Variants in EML5 observed in about 807,000 individuals in gnomAD.
EML5 encodes echinoderm microtubule-associated protein-like 5.
A neutral mutation model predicts 250.0 loss-of-function variants in EML5; 120 were observed. The ratio of observed to expected loss-of-function variants is 0.48; its 90% confidence interval spans 0.41 to 0.56. EML5 has a LOEUF of 0.56. Ranked by LOEUF, EML5 falls within the 20% of genes least tolerant of loss-of-function variation. The probability of loss-of-function intolerance (pLI) is 0.00; values close to 1 mark genes in which losing one functional copy is unlikely to be tolerated. For synonymous variants in EML5, 771 were observed against 806.5 expected, an observed-to-expected ratio of 0.96 and a Z score of 0.75; for missense variants, 2,006 against 2,437.6, an observed-to-expected ratio of 0.82 and a Z score of 3.73.
In EML5 at chr14:88,620,928, T is replaced by C. The variant is rs1174063503; in HGVS notation, c.5203-2A>G. The C allele has an allele frequency of 6.9e-7, 1 of 1,449,514 alleles. No individual in the cohort carries two copies. Among genetic ancestry groups the C allele is most frequent in the East Asian group, 2.5e-5 (1 of 39,572 alleles). The allele number at this position is 1,449,514 out of a possible 1,614,324, so 89.8% of individuals were successfully genotyped here. A position where few individuals can be genotyped will look rare whatever the true frequency, so the allele number is the denominator to read the frequency against. On this transcript the variant is annotated splice_acceptor_variant, in intron 38 of 43. Coordinates refer to ENST00000554922, the MANE Select transcript of EML5 (RefSeq NM_183387.3). LOFTEE classifies it high-confidence loss of function. This position sits in a 1 kb window ranked among gnomAD's most constrained non-coding sequence, Gnocchi z 4.3. ...CAAATTCACTTTGTTTAACATCTTC[T>C]GCATTTAAAAAAAAAAAAAAAAAGA...
At chr14:88,697,789 G>A (rs1297638172) in intron 14 of EML5, among the ~76,000 whole-genome samples, 1 of 152,122 alleles carries the variant, frequency 6.6e-6, no homozygotes, top group Admixed American at 6.5e-5. Flanking sequence ...AGGCTGGAGT[G>A]CAATGGCGCT....
rs542543791 is a variant in EML5, at chr14:88,677,261, T to C, written c.3124+4629A>G. On this transcript the variant is annotated intron_variant, in intron 21 of 43. Coordinates refer to ENST00000554922, the MANE Select transcript of EML5 (RefSeq NM_183387.3). ...AACTGGCTGGCCACATGCAGAAAAT[T>C]GAAGCTGGACCCCTTCCTTACACCT... Among the ~76,000 whole-genome samples the C allele has an allele frequency of 2.0e-5, 3 of 152,246 alleles. 1 individual carries two copies. Among genetic ancestry groups the C allele is most frequent in the African/African-American group, 7.2e-5 (3 of 41,554 alleles).
chr14:88,668,180 TC>T (rs1167531405), intron 21 of EML5, among the ~76,000 whole-genome samples: 2 of 152,248 alleles, frequency 1.3e-5, no homozygotes, highest in Non-Finnish European at 2.9e-5. Flanking sequence ...AGTTAGCAAT[TC>T]TTTTTATTAA....
chr14:88,688,550 C>G, intron 17 of EML5, 77 bp from the exon 18 acceptor site: 1 of 1,454,822 alleles, frequency 6.9e-7, no homozygotes, highest in Non-Finnish European at 9.5e-7. Flanking sequence ...TTCTTTTCTA[C>G]TGTTGTTGTT....
In EML5 at chr14:88,638,880, T is replaced by A; in HGVS notation, c.4265A>T (p.Asn1422Ile). ...TACTGTGAGGCACAGAATATCATCA[T>A]TATGTTCCTGATAAAAACTCTGAGA... ...TGSQSFYQEH[N>I]DDILCLTVNQ... Residue 1422 changes from asparagine to isoleucine, a missense_variant, in exon 32 of 44, where the codon AAT (asparagine) becomes ATT (isoleucine). Coordinates refer to ENST00000554922, the MANE Select transcript of EML5 (RefSeq NM_183387.3). 5 of 1,590,864 alleles carry A rather than the reference T, an allele frequency of 3.1e-6. No homozygotes were observed. Among genetic ancestry groups the A allele is most frequent in the Non-Finnish European group, 4.3e-6 (5 of 1,168,640 alleles).
At chr14:88,645,486 G>C (rs180687548) in intron 29 of EML5, among the ~76,000 whole-genome samples, 29 of 152,330 alleles carry the variant, frequency 1.9e-4, no homozygotes, top group African/African-American at 6.7e-4. Context: ...GTATCTAACA[G>C]AGTATCTTCA....
chr14:88,769,985 C>CTTTATCCT (rs958213353), intron 1 of EML5, among the ~76,000 whole-genome samples: 3 of 139,590 alleles, frequency 2.1e-5, no homozygotes, highest in African/African-American at 7.9e-5. Context: ...TTTTTTTGGT[C>CTTTATCCT]TTTATCCTTA....
At chr14:88,707,647 A>G (rs1033248161) in intron 10 of EML5, among the ~76,000 whole-genome samples, 6 of 152,182 alleles carry the variant, frequency 3.9e-5, no homozygotes, top group African/African-American at 1.4e-4. Context: ...TTAATTTAAG[A>G]TAACTATCAT....
At chr14:88,687,158 A>G in intron 19 of EML5, 58 bp downstream of exon 19, 1 of 1,313,816 alleles carries the variant, frequency 7.6e-7, no homozygotes, top group Admixed American at 2.1e-5. Context: ...GATCACACAC[A>G]TTAATGAGCA....
At chr14:88,660,012 G>A (rs959664850) in intron 25 of EML5, among the ~76,000 whole-genome samples, 1 of 151,888 alleles carries the variant, frequency 6.6e-6, no homozygotes, top group Admixed American at 6.6e-5. Flanking sequence ...ACAGTGACTC[G>A]CGCCTGTAAT....
At position 88,616,500 on chromosome 14, in the gene EML5, G is replaced by C. The variant is rs1451666283; in HGVS notation, c.5796+226C>G. 8 of 600,418 alleles carry C rather than the reference G, an allele frequency of 1.3e-5. No homozygotes were observed. The East Asian group carries it at 2.2e-4, about 17-fold the overall frequency. 37.2% of individuals were successfully genotyped at this position (600,418 alleles called of 1,614,324 possible). A position where few individuals can be genotyped will look rare whatever the true frequency, so the allele number is the denominator to read the frequency against. On this transcript the variant is annotated intron_variant, in intron 42 of 43. Coordinates refer to ENST00000554922, the MANE Select transcript of EML5 (RefSeq NM_183387.3). ...AAATTTGATAACTGATTATAGGTTTGGTGAAAAGCTAATTACAGCTTTTGT... is the reference window on the plus strand; with the variant it reads ...AAATTTGATAACTGATTATAGGTTTCGTGAAAAGCTAATTACAGCTTTTGT...
chr14:88,622,943 C>T lies in EML5; in HGVS notation c.4899-225G>A, dbSNP rs200473832. 1.8e-5 allele frequency: 7 copies of T among 389,052 alleles called. No individual in the cohort carries two copies. The East Asian group carries it at 2.5e-4, about 14-fold the overall frequency. The allele number at this position is 389,052 out of a possible 1,614,324, so 24.1% of individuals were successfully genotyped here. A position where few individuals can be genotyped will look rare whatever the true frequency, so the allele number is the denominator to read the frequency against. ...AGTGAATTTTATTTTGAGAAATACT[C>T]TTTTTTTCTGACATGAGCATAATTT... On this transcript the variant is annotated intron_variant, in intron 36 of 43. Transcript: ENST00000554922.
chr14:88,647,179 G>A (rs1239686662), intron 28 of EML5, among the ~76,000 whole-genome samples: 2 of 151,140 alleles, frequency 1.3e-5, no homozygotes, highest in African/African-American at 4.9e-5. Context: ...TGGCCAACAT[G>A]GTGAAATCCC....
chr14:88,751,461 G>A (rs1323914492), intron 2 of EML5, among the ~76,000 whole-genome samples: 2 of 152,042 alleles, frequency 1.3e-5, no homozygotes, highest in Non-Finnish European at 2.9e-5. Context: ...ACTGGAAAGC[G>A]GCAAGAGACA....
At position 88,634,455 on chromosome 14, in the gene EML5, TTA is replaced by T; in HGVS notation, c.4357+12_4357+13del. The T allele has an allele frequency of 6.9e-7, 1 of 1,459,060 alleles. No individual in the cohort carries two copies. Among genetic ancestry groups the T allele is most frequent in the Non-Finnish European group, 9.2e-7 (1 of 1,089,550 alleles). 90.4% of individuals were successfully genotyped at this position (1,459,060 alleles called of 1,614,324 possible). On this transcript the variant is annotated intron_variant, in intron 33 of 43. Coordinates refer to ENST00000554922, the MANE Select transcript of EML5 (RefSeq NM_183387.3). ...ACAATATAAATAAAGCAGAAAATGT[TTA>T]GTTTTCCTTACCTGACATGTCTGCT...
chr14:88,705,699 A>G, intron 11 of EML5, 111 bp from the exon 12 acceptor site: 1 of 778,864 alleles, frequency 1.3e-6, no homozygotes, highest in Non-Finnish European at 2.1e-6. Context: ...GACAAGCCAT[A>G]AAACAATCAA....
intron 21 of EML5, among the ~76,000 whole-genome samples, chr14:88,672,892 T>C (rs2092503989): frequency 6.6e-6 from 1 of 152,050 alleles, no homozygotes; most frequent in Non-Finnish European, 1.5e-5. Context: ...TAGGCAGTAA[T>C]AAATAGTCTA....
chr14:88,774,402 T>C (rs568694239), intron 1 of EML5, among the ~76,000 whole-genome samples: 20 of 152,328 alleles, frequency 1.3e-4, no homozygotes, highest in African/African-American at 4.8e-4. Context: ...ATAATAGTTA[T>C]ACATTGGAAC....
intron 30 of EML5, 78 bp downstream of exon 30, chr14:88,644,355 T>C (rs1038849574): frequency 5.2e-6 from 7 of 1,335,488 alleles, no homozygotes; most frequent in Admixed American, 2.1e-5. Flanking sequence ...TCATGAAAAC[T>C]AATGACAAAA....
Sources: allele counts gnomAD v4.1 joint callset (sites outside exome capture counted in the v4.1 genomes callset), GRCh38; gene constraint gnomAD v4.1.1; non-coding constraint Gnocchi (gnomAD v3.1); transcripts MANE v1.5; gene names NCBI Gene and HGNC (gene_info 2026-07-23, HGNC 2026-07-21).